ABCA12: variants seen among roughly 807,000 people sequenced by gnomAD.
ABCA12 encodes the protein ATP binding cassette subfamily A member 12.
In ABCA12, 156 loss-of-function variants were observed where a neutral mutation model predicts 293.5. The ratio of observed to expected loss-of-function variants is 0.53; its 90% confidence interval spans 0.47 to 0.61. The LOEUF (loss-of-function observed/expected upper bound fraction) is 0.61. ABCA12 is among the 20% of genes least tolerant of loss of function. The probability of loss-of-function intolerance (pLI) is 0.00; values close to 1 mark genes in which losing one functional copy is unlikely to be tolerated. For missense variants in ABCA12, 2,797 were observed against 3,090.2 expected, an observed-to-expected ratio of 0.91 and a Z score of 2.25; for synonymous variants, 1,063 against 1,108.0, an observed-to-expected ratio of 0.96 and a Z score of 0.81.
chr2:214,934,562 A>T (rs187544402), intron 51 of ABCA12, among the ~76,000 whole-genome samples: 1 of 152,338 alleles, frequency 6.6e-6, no homozygotes. Flanking sequence ...CTCAGTGCTC[A>T]ATCTTAAGAA....
intron 45 of ABCA12, among the ~76,000 whole-genome samples, chr2:214,949,733 G>A (rs997948923): frequency 2.0e-5 from 3 of 152,084 alleles, no homozygotes; most frequent in Admixed American, 2.0e-4. Context: ...TCTGAAAACT[G>A]ATGTCTTTAT....
At chr2:214,936,174 G>A (rs1698210674) in intron 51 of ABCA12, among the ~76,000 whole-genome samples, 1 of 152,280 alleles carries the variant, frequency 6.6e-6, no homozygotes, top group South Asian at 2.1e-4. Context: ...TTTCTGAGTA[G>A]TGTGATCTAA....
chr2:215,009,355 T>C (rs186683766), intron 18 of ABCA12, among the ~76,000 whole-genome samples: 15 of 152,066 alleles, frequency 9.9e-5, no homozygotes, highest in Admixed American at 9.2e-4. Context: ...AACTAATGGG[T>C]ACTAGGCTTA....
intron 41 of ABCA12, among the ~76,000 whole-genome samples, chr2:214,957,455 T>C: frequency 6.6e-6 from 1 of 152,302 alleles, no homozygotes; most frequent in African/African-American, 2.4e-5. Flanking sequence ...CAGAAGTATG[T>C]ACTTGAAATT....
intron 1 of ABCA12, among the ~76,000 whole-genome samples, chr2:215,124,105 C>A (rs1261788506): frequency 6.6e-6 from 1 of 152,144 alleles, no homozygotes; most frequent in African/African-American, 2.4e-5. Flanking sequence ...TAATTCATTC[C>A]TTTTTATGGC....
At chr2:214,998,696 C>A (rs1700083532) in intron 22 of ABCA12, among the ~76,000 whole-genome samples, 1 of 152,134 alleles carries the variant, frequency 6.6e-6, no homozygotes, top group Non-Finnish European at 1.5e-5. Flanking sequence ...AGTTTCTGGG[C>A]CCCAGCCTCT....
chr2:214,992,518 C>CT (rs1163819677), intron 23 of ABCA12, among the ~76,000 whole-genome samples: 2 of 60,274 alleles, frequency 3.3e-5, no homozygotes, highest in Non-Finnish European at 6.0e-5. Flanking sequence ...CTAGTATCCC[C>CT]CCCCTTTTTT....
intron 6 of ABCA12, among the ~76,000 whole-genome samples, chr2:215,048,678 G>A (rs73074408): frequency 0.059 from 9,018 of 152,188 alleles, 878 homozygotes; most frequent in African/African-American, 0.2. Context: ...CCTCCAGCCT[G>A]AGTGACAGAG....
rs574994930 is a variant in ABCA12 at position 214,958,577 on chromosome 2, G to A, written c.5940-123C>T. On this transcript the variant is annotated intron_variant, in intron 40 of 52. Transcript: ENST00000272895. ...AAGAGTTGGCTGTGACACAAATAAG[G>A]CATCCTGCAAGGCAGCCAGATAATA... 3.1e-4 allele frequency: 314 copies of A among 1,012,512 alleles called. 2 individuals carry two copies. In the African/African-American group the frequency reaches 4.6e-3, roughly 15 times the overall value. 62.7% of individuals were successfully genotyped at this position (1,012,512 alleles called of 1,614,324 possible).
chr2:215,134,554 G>GTATA (rs1441027529), intron 1 of ABCA12, among the ~76,000 whole-genome samples: 1 of 70,354 alleles, frequency 1.4e-5, no homozygotes, highest in Non-Finnish European at 2.5e-5. Context: ...ATACGTATAT[G>GTATA]TATATATGTG....
rs895062273 is a variant in ABCA12 at position 215,086,764 on chromosome 2, T to C, written c.164-22545A>G. ...ACAGCTGGGTATTTGCAGAGCTTCATGAGCAGGTTTGTGTGACTGCTTTTG... is the reference window on the plus strand; with the variant it reads ...ACAGCTGGGTATTTGCAGAGCTTCACGAGCAGGTTTGTGTGACTGCTTTTG... On this transcript the variant is annotated intron_variant, in intron 2 of 52. Coordinates refer to ENST00000272895, the MANE Select transcript of ABCA12 (RefSeq NM_173076.3). Among the ~76,000 whole-genome samples, 8 of 152,176 alleles carry C rather than the reference T, an allele frequency of 5.3e-5. 1 individual carries two copies. The highest frequency in any genetic ancestry group is 1.7e-4 in the African/African-American group (7 of 41,438).
chr2:215,001,051 G>T (rs765130911), intron 21 of ABCA12, 31 bp from the exon 22 acceptor site: 2 of 1,606,864 alleles, frequency 1.2e-6, no homozygotes, highest in South Asian at 1.1e-5. Context: ...ACAGCAGAAA[G>T]GTTATTTTAT....
rs150618783 is a variant in ABCA12 at position 214,942,994 on chromosome 2, C to G, written c.7367G>C (p.Cys2456Ser). Residue 2456 changes from cysteine to serine, a missense_variant, in exon 50 of 53, where the codon TGT (cysteine) becomes TCT (serine). Cys to Ser is a moderately radical substitution (Grantham distance 112, BLOSUM62 -1). This residue lies in a region of ABCA12 where 2,130 missense variants were observed against 2,427.0 expected (regional missense o/e 0.88). Coordinates refer to ENST00000272895, the MANE Select transcript of ABCA12 (RefSeq NM_173076.3). ...ATTCACCATAATGGCCAACCTGGTA[C>G]AGAGAGCTTCACATTCTTCCATGCT... is the stretch of plus-strand genomic sequence containing the variant. Reference protein sequence around the residue: ...SHSMEECEALCTRLAIMVNGK... With the variant: ...SHSMEECEALSTRLAIMVNGK... The G allele has an allele frequency of 1.2e-5, 19 of 1,613,328 alleles. No homozygotes were observed. The African/African-American group carries it at 2.4e-4, about 20-fold the overall frequency.
chr2:215,012,386 G>T (rs1236274592), intron 15 of ABCA12, among the ~76,000 whole-genome samples: 1 of 152,034 alleles, frequency 6.6e-6, no homozygotes, highest in Non-Finnish European at 1.5e-5. Flanking sequence ...TAGCCAAAAA[G>T]GGAAAACAAT....
intron 3 of ABCA12, among the ~76,000 whole-genome samples, chr2:215,060,123 C>T (rs1430280446): frequency 1.3e-5 from 2 of 152,036 alleles, no homozygotes; most frequent in South Asian, 4.1e-4. Flanking sequence ...TAACTATTCA[C>T]CATTTGTTGT....
At chr2:214,934,031 A>G in intron 52 of ABCA12, 47 bp downstream of exon 52, 1 of 1,576,758 alleles carries the variant, frequency 6.3e-7, no homozygotes, top group South Asian at 1.1e-5. Context: ...ATGAATAATA[A>G]TATTAATATG....
intron 2 of ABCA12, among the ~76,000 whole-genome samples, chr2:215,079,565 T>A (rs1226231547): frequency 1.3e-5 from 2 of 152,204 alleles, no homozygotes; most frequent in African/African-American, 4.8e-5. Context: ...AACAGTTAAT[T>A]CAGGGCAAAT....
intron 1 of ABCA12, among the ~76,000 whole-genome samples, chr2:215,113,893 C>T (rs987749565): frequency 1.3e-5 from 2 of 152,160 alleles, no homozygotes; most frequent in South Asian, 4.1e-4. Context: ...ATACTCATTA[C>T]TACTTAAAAT....
At chr2:214,984,770 C>T (rs559920970) in intron 28 of ABCA12, among the ~76,000 whole-genome samples, 1 of 152,228 alleles carries the variant, frequency 6.6e-6, no homozygotes, top group Non-Finnish European at 1.5e-5. Context: ...CCCATCTCAC[C>T]GTTTTCACAG....
Sources: allele counts gnomAD v4.1 joint callset (sites outside exome capture counted in the v4.1 genomes callset), GRCh38; gene constraint gnomAD v4.1.1; regional missense constraint gnomAD v4.1.1; transcripts MANE v1.5; gene names NCBI Gene and HGNC (gene_info 2026-07-23, HGNC 2026-07-21).